Variants in TAS2R1 observed in about 807,000 individuals in gnomAD.
TAS2R1 encodes taste 2 receptor member 1, also known as taste receptor type 2 member 1.
For synonymous variants in TAS2R1, 141 were observed against 134.2 expected (o/e 1.05, Z -0.35); for missense variants, 370 against 353.4 (o/e 1.05, Z -0.38).
chr5:9,668,974 G>A (rs977556376), intron 1 of TAS2R1, among the ~76,000 whole-genome samples: 1 of 152,132 alleles, frequency 6.6e-6, no homozygotes, highest in Non-Finnish European at 1.5e-5. Flanking sequence ...GTGACAAGTT[G>A]TATAAAGAAG....
intron 1 of TAS2R1, among the ~76,000 whole-genome samples, chr5:9,670,332 G>A (rs1365816052): frequency 1.3e-5 from 2 of 152,128 alleles, no homozygotes; most frequent in Admixed American, 1.3e-4. Context: ...CCTAAATGGA[G>A]GTGTAAACAG....
the TAS2R1 span, among the ~76,000 whole-genome samples, chr5:9,752,222 T>C: frequency 6.6e-6 from 1 of 152,176 alleles, no homozygotes; most frequent in African/African-American, 2.4e-5. Context: ...ACTCCAGGAT[T>C]CAGGAGAGGT....
chr5:9,838,419 A>G, the TAS2R1 span, among the ~76,000 whole-genome samples: 3 of 152,086 alleles, frequency 2.0e-5, no homozygotes, highest in African/African-American at 4.8e-5. Context: ...TAGACACCCA[A>G]TCTGAACATC....
At chr5:9,773,178 C>T in the TAS2R1 span, among the ~76,000 whole-genome samples, 1 of 151,422 alleles carries the variant, frequency 6.6e-6, no homozygotes, top group Non-Finnish European at 1.5e-5. Flanking sequence ...GTGTATCTGT[C>T]ATATGTTTTT....
the TAS2R1 span, among the ~76,000 whole-genome samples, chr5:9,741,445 T>C: frequency 6.6e-6 from 1 of 152,202 alleles, no homozygotes; most frequent in Non-Finnish European, 1.5e-5. Flanking sequence ...GAGTGATCTA[T>C]GGCAAACCAC....
chr5:9,697,088 G>C (rs1741376745), intron 1 of TAS2R1, among the ~76,000 whole-genome samples: 1 of 151,918 alleles, frequency 6.6e-6, no homozygotes, highest in South Asian at 2.1e-4. Flanking sequence ...AAGGAGAAAG[G>C]AAAGAAGGAA....
the TAS2R1 span, among the ~76,000 whole-genome samples, chr5:9,718,167 C>T: frequency 8.9e-4 from 130 of 146,820 alleles, 5 homozygotes; most frequent in East Asian, 0.022. Flanking sequence ...GACGGTGTTT[C>T]GCCGTGTTGG....
the TAS2R1 span, among the ~76,000 whole-genome samples, chr5:9,762,012 C>A: frequency 6.6e-6 from 1 of 152,164 alleles, no homozygotes; most frequent in African/African-American, 2.4e-5. Context: ...AGCCTTGCAC[C>A]ACCCACCATC....
intron 2 of TAS2R1, among the ~76,000 whole-genome samples, chr5:9,642,898 G>T (rs769429458): frequency 6.6e-5 from 10 of 152,078 alleles, no homozygotes; most frequent in Non-Finnish European, 1.0e-4. Flanking sequence ...GCTCTAAACT[G>T]AGTTCCTCCG....
At chr5:9,844,737 C>A in the TAS2R1 span, among the ~76,000 whole-genome samples, 1 of 152,080 alleles carries the variant, frequency 6.6e-6, no homozygotes, top group South Asian at 2.1e-4. Context: ...TTTTTTTAGG[C>A]CTTTTGTAAT....
intron 2 of TAS2R1, among the ~76,000 whole-genome samples, chr5:9,650,950 A>G (rs1740293667): frequency 6.6e-6 from 1 of 152,206 alleles, no homozygotes; most frequent in Non-Finnish European, 1.5e-5. Flanking sequence ...TAAAAATACA[A>G]CTGCTGATCA....
At chr5:9,756,220 T>C in the TAS2R1 span, among the ~76,000 whole-genome samples, 1 of 152,210 alleles carries the variant, frequency 6.6e-6, no homozygotes, top group African/African-American at 2.4e-5. Context: ...AAAGCCTAAA[T>C]TGCTGGCCTG....
At chr5:9,840,629 T>C in the TAS2R1 span, among the ~76,000 whole-genome samples, 7 of 152,148 alleles carry the variant, frequency 4.6e-5, no homozygotes, top group Admixed American at 3.3e-4. Flanking sequence ...GGCTTTATCA[T>C]TTTGTACAGT....
At chr5:9,884,202 G>A in the TAS2R1 span, among the ~76,000 whole-genome samples, 31 of 152,176 alleles carry the variant, frequency 2.0e-4, no homozygotes, top group African/African-American at 7.0e-4. Flanking sequence ...AGGGCCAGGC[G>A]TGGTGGCTCA....
chr5:9,774,233 A>C, the TAS2R1 span, among the ~76,000 whole-genome samples: 9 of 152,302 alleles, frequency 5.9e-5, no homozygotes, highest in South Asian at 1.9e-3. Flanking sequence ...TCGGATGTCA[A>C]TTGCAATTTT....
the TAS2R1 span, among the ~76,000 whole-genome samples, chr5:9,724,298 A>G: frequency 6.7e-6 from 1 of 150,028 alleles, no homozygotes; most frequent in Admixed American, 6.6e-5. Context: ...CAGACCCTTT[A>G]ATCTTTATTT....
At chr5:9,845,277 G>T in the TAS2R1 span, among the ~76,000 whole-genome samples, 1 of 152,158 alleles carries the variant, frequency 6.6e-6, no homozygotes, top group Non-Finnish European at 1.5e-5. Context: ...TCAGCAAGCT[G>T]GAAGCAGATC....
chr5:9,740,414 G>T, the TAS2R1 span, among the ~76,000 whole-genome samples: 1 of 152,146 alleles, frequency 6.6e-6, no homozygotes, highest in African/African-American at 2.4e-5. Context: ...ACACAGCACT[G>T]CTTCATGGAT....
chr5:9,741,311 G>C, the TAS2R1 span, among the ~76,000 whole-genome samples: 1 of 152,164 alleles, frequency 6.6e-6, no homozygotes, highest in African/African-American at 2.4e-5. Flanking sequence ...AAGAAATTAA[G>C]AGATTTTCTC....
Sources: allele counts gnomAD v4.1 joint callset (sites outside exome capture counted in the v4.1 genomes callset), GRCh38; gene constraint gnomAD v4.1.1; transcripts MANE v1.5; gene names NCBI Gene and HGNC (gene_info 2026-07-23, HGNC 2026-07-21).